Variants in SHROOM2 observed in about 807,000 individuals in gnomAD.
The protein encoded by SHROOM2 is protein Shroom2.
Under a neutral mutation model 75.9 loss-of-function variants are expected in SHROOM2, and 33 were observed. The observed-to-expected ratio is 0.43, with a 90% CI of 0.33 to 0.58. SHROOM2 has a LOEUF of 0.58. Ranked by LOEUF, SHROOM2 falls within the 20% of genes least tolerant of loss-of-function variation. The probability of loss-of-function intolerance (pLI) is 0.04; values close to 1 mark genes in which losing one functional copy is unlikely to be tolerated. For synonymous variants in SHROOM2, 655 were observed against 663.6 expected (o/e 0.99, Z 0.20); for missense variants, 1,434 against 1,461.2 (o/e 0.98, Z 0.30).
chrX:9,914,059 A>AACCCC (rs2084460536), intron 5 of SHROOM2, among the ~76,000 whole-genome samples: 1 of 48,648 alleles, frequency 2.1e-5, no homozygotes. Flanking sequence ...ACCTGCGCCC[A>AACCCC]CCCCCCTGCC....
intron 1 of SHROOM2, among the ~76,000 whole-genome samples, chrX:9,810,237 C>T (rs1388860802): frequency 3.6e-5 from 4 of 109,748 alleles, no homozygotes; most frequent in African/African-American, 1.0e-4. Flanking sequence ...TTTTTTTTGC[C>T]TGGTGGAGTG....
At chrX:9,919,626 G>A (rs1435221812) in intron 5 of SHROOM2, among the ~76,000 whole-genome samples, 1 of 110,207 alleles carries the variant, frequency 9.1e-6, no homozygotes. Flanking sequence ...CACCGCACCC[G>A]GCCCCGCATT....
chrX:9,791,552 G>A (rs1326146504), intron 1 of SHROOM2, among the ~76,000 whole-genome samples: 1 of 112,219 alleles, frequency 8.9e-6, no homozygotes, highest in Admixed American at 9.5e-5. Context: ...TTCAAGCACT[G>A]TAGTCAGCAG....
At chrX:9,816,326 C>G (rs2083821269) in intron 1 of SHROOM2, among the ~76,000 whole-genome samples, 3 of 112,419 alleles carry the variant, frequency 2.7e-5, no homozygotes, top group Non-Finnish European at 3.8e-5. Context: ...ATTTCCTGAG[C>G]ACATGGGTGG....
At chrX:9,821,780 G>A (rs1446461941) in intron 1 of SHROOM2, among the ~76,000 whole-genome samples, 2 of 111,943 alleles carry the variant, frequency 1.8e-5, no homozygotes, top group Non-Finnish European at 3.8e-5. Context: ...CCGGGGCGGA[G>A]TGCAGAGGGG....
intron 8 of SHROOM2, among the ~76,000 whole-genome samples, chrX:9,942,920 C>G (rs1324293416): frequency 9.0e-6 from 1 of 111,538 alleles, no homozygotes; most frequent in Non-Finnish European, 1.9e-5. Flanking sequence ...CAGGACCCTT[C>G]AGGAATATGG....
chrX:9,808,021 C>A (rs1039918573), intron 1 of SHROOM2, among the ~76,000 whole-genome samples: 3 of 111,812 alleles, frequency 2.7e-5, no homozygotes, highest in Non-Finnish European at 5.6e-5. Context: ...CAAGCCCAGG[C>A]CTGGCACCGC....
At position 9,896,528 on chromosome X, in the gene SHROOM2, G is replaced by GC. The variant is rs1569162079; in HGVS notation, c.2621dup (p.Glu875ArgfsTer26). 1 of 1,211,187 alleles carries GC rather than the reference G, an allele frequency of 8.3e-7. No homozygotes were observed. ...CCTGCCGCGGAGGCTCGGCACCTTT[G>GC]CAGAGTATCAGGCCTCTTGGAAGGA... is the stretch of plus-strand genomic sequence containing the variant. On this transcript the variant is annotated frameshift_variant, in exon 4 of 10. Transcript: ENST00000380913. LOFTEE classifies it high-confidence loss of function.
In SHROOM2 at chrX:9,895,635, G is replaced by A; in HGVS notation, c.1727G>A (p.Ser576Asn). 4 of 1,164,404 alleles carry A rather than the reference G, an allele frequency of 3.4e-6. No individual in the cohort carries two copies. Among genetic ancestry groups the A allele is most frequent in the Non-Finnish European group, 4.6e-6 (4 of 875,032 alleles). ...AASITWADGESSRICPQETPL... is the reference protein window; with the variant it reads ...AASITWADGENSRICPQETPL... Reference sequence around the variant, plus strand: ...AGCATCACGTGGGCAGATGGGGAGAGCAGCAGGATCTGCCCGCAGGAGACG... The same window carrying A: ...AGCATCACGTGGGCAGATGGGGAGAACAGCAGGATCTGCCCGCAGGAGACG... The change falls in exon 4 of 10, where the codon AGC becomes AAC. Residue 576 changes from serine (S) to asparagine (N), a missense_variant. This residue lies in a region of SHROOM2 where 1,340 missense variants were observed against 1,338.3 expected (regional missense o/e 1.00). Transcript: ENST00000380913.
At position 9,829,944 on chromosome X, in the gene SHROOM2, T is replaced by TTTTTTATTTTG. The variant is rs61149874; in HGVS notation, c.165+43244_165+43245insGTTTTTATTTT. Among the ~76,000 whole-genome samples the TTTTTTATTTTG allele has an allele frequency of 2.2e-4, 24 of 107,307 alleles. No homozygotes were observed. The Admixed American group carries it at 2.4e-3, about 11-fold the overall frequency. The allele number at this position is 107,307 out of a possible 115,157, so 93.2% of individuals were successfully genotyped here. ...TTTAGGAGAGCATTTTGGCCCAGTT[T>TTTTTTATTTTG]TTTTTATTTTTATTTTTATTTTTTA... On this transcript the variant is annotated intron_variant, in intron 1 of 9. Transcript: ENST00000380913.
chrX:9,949,385 C>A lies in SHROOM2; in HGVS notation c.*2448C>A. 1 of 328,010 alleles carries A rather than the reference C, an allele frequency of 3.0e-6. No individual in the cohort carries two copies. Among genetic ancestry groups the A allele is most frequent in the Non-Finnish European group, 5.9e-6 (1 of 168,714 alleles). The allele number at this position is 328,010 out of a possible 1,213,427, so 27.0% of individuals were successfully genotyped here. A position where few individuals can be genotyped will look rare whatever the true frequency, so the allele number is the denominator to read the frequency against. On this transcript the variant is annotated 3_prime_UTR_variant, in exon 10 of 10. Coordinates refer to ENST00000380913, the MANE Select transcript of SHROOM2 (RefSeq NM_001649.4). ...TTTCATGCTCGACACTTACCACTCA[C>A]CTATCAACAGATCATCCTGCTTGAC... is the stretch of plus-strand genomic sequence containing the variant.
At chrX:9,826,505 C>T (rs2146755335) in intron 1 of SHROOM2, among the ~76,000 whole-genome samples, 1 of 111,335 alleles carries the variant, frequency 9.0e-6, no homozygotes, top group African/African-American at 3.3e-5. Context: ...GATGTGATGG[C>T]TCACTCCTGT....
At position 9,894,938 on chromosome X, in the gene SHROOM2, G is replaced by GC; in HGVS notation, c.1031dup (p.Ala345CysfsTer16). On this transcript the variant is annotated frameshift_variant, in exon 4 of 10. Transcript: ENST00000380913. LOFTEE classifies it high-confidence loss of function. ...CCAGGGCCCTGTGTTCTCAGAGGCG[G>GC]CTGCGGCACAGCACTTTACGGCCCT... 8.3e-7 allele frequency: 1 copy of GC among 1,211,076 alleles called. No homozygotes were observed. Among genetic ancestry groups the GC allele is most frequent in the Non-Finnish European group, 1.1e-6 (1 of 895,330 alleles).
At chrX:9,808,981 T>G (rs185694877) in intron 1 of SHROOM2, among the ~76,000 whole-genome samples, 26 of 110,932 alleles carry the variant, frequency 2.3e-4, no homozygotes, top group Middle Eastern at 4.6e-3. Flanking sequence ...ATCATCACTT[T>G]AATTCCAGAA....
intron 1 of SHROOM2, among the ~76,000 whole-genome samples, chrX:9,801,195 A>G (rs1336577887): frequency 9.0e-6 from 1 of 111,724 alleles, no homozygotes; most frequent in South Asian, 3.8e-4. Flanking sequence ...AAACCATCAG[A>G]TCTCATGAGA....
intron 5 of SHROOM2, among the ~76,000 whole-genome samples, chrX:9,921,755 C>T (rs2084547696): frequency 8.9e-6 from 1 of 112,126 alleles, no homozygotes; most frequent in Non-Finnish European, 1.9e-5. Flanking sequence ...GTAGGCTCAT[C>T]CATGTTGTCA....
chrX:9,805,637 T>C (rs1187407671), intron 1 of SHROOM2, among the ~76,000 whole-genome samples: 1 of 112,089 alleles, frequency 8.9e-6, no homozygotes, highest in Non-Finnish European at 1.9e-5. Context: ...CTCGGGAGGC[T>C]GAGGCAGAAT....
intron 1 of SHROOM2, among the ~76,000 whole-genome samples, chrX:9,839,578 G>A (rs1414986097): frequency 1.8e-5 from 2 of 111,375 alleles, no homozygotes; most frequent in South Asian, 3.8e-4. Context: ...TTAGGTCACT[G>A]TACATTTTCT....
intron 1 of SHROOM2, among the ~76,000 whole-genome samples, chrX:9,815,434 A>ATGTGTGTGTG (rs56223508): frequency 1.5e-3 from 135 of 88,710 alleles, no homozygotes; most frequent in Non-Finnish European, 2.1e-3. Flanking sequence ...TATACATATT[A>ATGTGTGTGTG]TGTGTGTGTG....
Sources: allele counts gnomAD v4.1 joint callset (sites outside exome capture counted in the v4.1 genomes callset), GRCh38; gene constraint gnomAD v4.1.1; regional missense constraint gnomAD v4.1.1; transcripts MANE v1.5; gene names NCBI Gene and HGNC (gene_info 2026-07-23, HGNC 2026-07-21).